The following ABCG2 variants were observed in gnomAD, a reference collection of about 807,000 sequenced individuals.
ABCG2 encodes broad substrate specificity ATP-binding cassette transporter ABCG2.
In ABCG2, 80 loss-of-function variants were observed where a neutral mutation model predicts 73.5. The ratio of observed to expected loss-of-function variants is 1.09; its 90% CI spans 0.91 to 1.31. The LOEUF (loss-of-function observed/expected upper bound fraction) is 1.31. Among genes scored for constraint, ABCG2 ranks in the 50% most tolerant of loss-of-function variants. The probability of loss-of-function intolerance (pLI) is 0.00; values close to 1 mark genes in which losing one functional copy is unlikely to be tolerated. For synonymous variants in ABCG2, 269 were observed against 282.4 expected (o/e 0.95, Z 0.48); for missense variants, 796 against 786.2 (o/e 1.01, Z -0.15).
At chr4:88,177,388 T>A (rs200674151) in intron 1 of ABCG2, among the ~76,000 whole-genome samples, 4 of 148,798 alleles carry the variant, frequency 2.7e-5, no homozygotes, top group East Asian at 2.0e-4. Flanking sequence ...AAAAAAAAAT[T>A]AAAAAAAAAA....
rs529643020 is a variant in ABCG2, at chr4:88,108,688, A to C, written c.1195-1422T>G. The stretch of plus-strand genomic sequence containing the variant: ...TATCAAGATTTAAAGTAACTGATCA[A>C]GGACACTTTTGGCATGAAGCAAACC... On this transcript the variant is annotated intron_variant, in intron 9 of 15. Transcript: ENST00000237612. Among the ~76,000 whole-genome samples, 16 of 152,350 alleles carry C rather than the reference A, an allele frequency of 1.1e-4. No individual in the cohort carries two copies. In the East Asian group the frequency reaches 2.5e-3, roughly 24 times the overall value.
intron 2 of ABCG2, 92 bp downstream of exon 2, chr4:88,139,701 G>T: frequency 9.5e-7 from 1 of 1,053,250 alleles, no homozygotes; most frequent in Non-Finnish European, 1.4e-6. Context: ...GTACAAAAAT[G>T]TTCATAGCCA....
intron 1 of ABCG2, among the ~76,000 whole-genome samples, chr4:88,157,996 C>T (rs1727065425): frequency 6.6e-6 from 1 of 152,196 alleles, no homozygotes; most frequent in Admixed American, 6.5e-5. Flanking sequence ...TTGTCATTGA[C>T]CAATTCCTAT....
intron 11 of ABCG2, among the ~76,000 whole-genome samples, chr4:88,100,426 C>T (rs538259992): frequency 6.6e-6 from 1 of 151,742 alleles, no homozygotes; most frequent in East Asian, 1.9e-4. Context: ...TCGCTTGAAC[C>T]CGGGAGGTAG....
At chr4:88,221,487 G>A (rs1434902265) in intron 1 of ABCG2, among the ~76,000 whole-genome samples, 1 of 152,166 alleles carries the variant, frequency 6.6e-6, no homozygotes, top group African/African-American at 2.4e-5. Flanking sequence ...GGGAAAGTTT[G>A]GAATTTCCTA....
intron 10 of ABCG2, among the ~76,000 whole-genome samples, chr4:88,103,102 A>C (rs1362061052): frequency 6.6e-6 from 1 of 152,182 alleles, no homozygotes; most frequent in Non-Finnish European, 1.5e-5. Context: ...AAGTATGTAC[A>C]TATAATTAAA....
In ABCG2 at chr4:88,095,586, A is replaced by T. The variant is rs1721930130; in HGVS notation, c.1671T>A (p.Asn557Lys). 1 of 1,613,804 alleles carries T rather than the reference A, an allele frequency of 6.2e-7. No individual in the cohort carries two copies. Among genetic ancestry groups the T allele is most frequent in the African/African-American group, 1.3e-5 (1 of 75,058 alleles). The change falls in exon 14 of 16, where the codon AAT (asparagine) becomes AAA (lysine). Residue 557 changes from asparagine (N) to lysine (K), a missense_variant. Transcript: ENST00000237612. ...ACAGCCAAGATGCAATGGTTGTGAG[A>T]TTGACCAACAGACCTGAAAAAATCT... is the stretch of plus-strand genomic sequence containing the variant. ...FMMIFSGLLV[N>K]LTTIASWLSW...
At chr4:88,211,222 T>TA (rs920346466) in intron 1 of ABCG2, among the ~76,000 whole-genome samples, 1 of 151,998 alleles carries the variant, frequency 6.6e-6, no homozygotes, top group African/African-American at 2.4e-5. Context: ...TTTTAAAAAT[T>TA]ATTTTATTTT....
At chr4:88,163,832 GTGTGCAGT>G (rs1727410231), upstream of ABCG2, 1 of 230,194 alleles carries the variant, frequency 4.3e-6, no homozygotes, top group South Asian at 5.8e-5. Flanking sequence ...TACCGCATCT[GTGTGCAGT>G]TGTTCAGAAA....
intron 1 of ABCG2, among the ~76,000 whole-genome samples, chr4:88,208,647 G>A (rs1729468087): frequency 6.6e-6 from 1 of 152,182 alleles, no homozygotes; most frequent in Non-Finnish European, 1.5e-5. Flanking sequence ...GGGCTTTCTA[G>A]GGATAGCAGC....
intron 9 of ABCG2, 87 bp downstream of exon 9, chr4:88,113,216 T>A: frequency 6.8e-7 from 1 of 1,479,978 alleles, no homozygotes; most frequent in Non-Finnish European, 9.1e-7. Flanking sequence ...ATTGGAAGGG[T>A]GGGTAGAAGA....
At chr4:88,229,421 A>C (rs941031234) in intron 1 of ABCG2, among the ~76,000 whole-genome samples, 1 of 152,218 alleles carries the variant, frequency 6.6e-6, no homozygotes, top group African/African-American at 2.4e-5. Flanking sequence ...GGAGGATCGC[A>C]TGAGCCCAGG....
chr4:88,153,319 G>A (rs572092149), intron 1 of ABCG2, among the ~76,000 whole-genome samples: 95 of 152,216 alleles, frequency 6.2e-4, no homozygotes, highest in African/African-American at 2.2e-3. Context: ...CGCAGTCCAA[G>A]TTGGTCTGGT....
chr4:88,175,584 A>G (rs1397188358), intron 1 of ABCG2, among the ~76,000 whole-genome samples: 1 of 152,242 alleles, frequency 6.6e-6, no homozygotes, highest in African/African-American at 2.4e-5. Context: ...TCCAAAGGTG[A>G]CTGGCCAATG....
In ABCG2 at chr4:88,097,448, C is replaced by T. The variant is rs1451635463; in HGVS notation, c.1647+5G>A. The T allele has an allele frequency of 1.2e-6, 2 of 1,613,822 alleles. No homozygotes were observed. The highest frequency in any genetic ancestry group is 1.7e-5 in the Admixed American group (1 of 59,970). ...CTTATCAGAGCAAACACAGTTCAGACTCACCATCATAAACACAAAACAGAT... is the reference window on the plus strand; with the variant it reads ...CTTATCAGAGCAAACACAGTTCAGATTCACCATCATAAACACAAAACAGAT... On this transcript the variant is annotated splice_donor_5th_base_variant and intron_variant, in intron 13 of 15. Transcript: ENST00000237612.
chr4:88,158,212 CT>C (rs1191361267), intron 1 of ABCG2, among the ~76,000 whole-genome samples, 173 bp downstream of exon 1: 1 of 152,162 alleles, frequency 6.6e-6, no homozygotes, highest in Non-Finnish European at 1.5e-5. Context: ...TGAAAAACCA[CT>C]TTGAACTGTC....
At chr4:88,204,375 C>T (rs1385793188) in intron 1 of ABCG2, among the ~76,000 whole-genome samples, 1 of 152,196 alleles carries the variant, frequency 6.6e-6, no homozygotes, top group African/African-American at 2.4e-5. Flanking sequence ...GAGCCGAGAT[C>T]GTGCCACTGC....
intron 14 of ABCG2, among the ~76,000 whole-genome samples, chr4:88,094,907 A>G (rs542665248): frequency 2.5e-4 from 38 of 152,326 alleles, no homozygotes; most frequent in African/African-American, 5.8e-4. Flanking sequence ...CTCTGGCTAT[A>G]CTACACCATA....
chr4:88,092,529 T>C, intron 15 of ABCG2, 148 bp from the exon 16 acceptor site: 1 of 827,660 alleles, frequency 1.2e-6, no homozygotes, highest in Non-Finnish European at 1.8e-6. Flanking sequence ...AGTCATTGTG[T>C]GTTTACAATT....
Sources: allele counts gnomAD v4.1 joint callset (sites outside exome capture counted in the v4.1 genomes callset), GRCh38; gene constraint gnomAD v4.1.1; transcripts MANE v1.5; gene names NCBI Gene and HGNC (gene_info 2026-07-23, HGNC 2026-07-21).